FAR2: variants seen among roughly 807,000 people sequenced by gnomAD.
FAR2 encodes fatty acyl-CoA reductase 2, also known as epididymis secretory protein Li 81.
A neutral mutation model predicts 56.0 loss-of-function variants in FAR2; 19 were observed. The ratio of observed to expected loss-of-function variants is 0.34; its 90% CI spans 0.24 to 0.50. The LOEUF (loss-of-function observed/expected upper bound fraction) is 0.50, where lower values mean the gene tolerates loss of function less well. FAR2 is among the 20% of genes least tolerant of loss of function. The pLI, the probability that FAR2 is intolerant of heterozygous loss-of-function variation, is 0.98. For missense variants in FAR2, 508 were observed against 642.2 expected (o/e 0.79, Z 2.26); for synonymous variants, 219 against 218.8 (o/e 1.00, Z -0.01).
intron 1 of FAR2, among the ~76,000 whole-genome samples, chr12:29,265,498 C>T (rs1207163157): frequency 1.3e-5 from 2 of 152,142 alleles, no homozygotes. Context: ...AACTAGACCC[C>T]TATCTCTTGC....
At chr12:29,211,670 T>G (rs1208443331) in intron 1 of FAR2, among the ~76,000 whole-genome samples, 1 of 152,006 alleles carries the variant, frequency 6.6e-6, no homozygotes, top group South Asian at 2.1e-4. Context: ...TGTAACTTCA[T>G]AGCTGTAGAA....
intron 1 of FAR2, among the ~76,000 whole-genome samples, chr12:29,194,853 G>A (rs4931162): frequency 0.78 from 118,023 of 152,010 alleles, 46,743 homozygotes; most frequent in East Asian, 0.91. Context: ...GCAGTCAAAC[G>A]TCAAAAAATG....
At chr12:29,233,762 A>G (rs11050144) in intron 1 of FAR2, among the ~76,000 whole-genome samples, 26,861 of 152,148 alleles carry the variant, frequency 0.18, 3,188 homozygotes, top group African/African-American at 0.33. Context: ...AAAGCATAAA[A>G]ATAAACAAAC....
intron 8 of FAR2, among the ~76,000 whole-genome samples, chr12:29,312,799 G>C (rs1949376389): frequency 6.6e-6 from 1 of 152,052 alleles, no homozygotes; most frequent in African/African-American, 2.4e-5. Context: ...TGTTACATAG[G>C]TAACACTACC....
chr12:29,173,589 G>A (rs577688410), intron 1 of FAR2, among the ~76,000 whole-genome samples: 2 of 152,182 alleles, frequency 1.3e-5, no homozygotes, highest in Admixed American at 1.3e-4. Flanking sequence ...AGAATACTGG[G>A]GCCAGGCCAT....
At chr12:29,285,994 A>G (rs974908465) in intron 2 of FAR2, among the ~76,000 whole-genome samples, 8 of 152,090 alleles carry the variant, frequency 5.3e-5, no homozygotes, top group Middle Eastern at 3.2e-3. Context: ...TTTGGCATAC[A>G]TTTTGTTCTT....
chr12:29,307,626 G>A (rs377282784), intron 4 of FAR2, 32 bp from the exon 5 acceptor site: 1 of 1,563,292 alleles, frequency 6.4e-7, no homozygotes, highest in African/African-American at 1.4e-5. Flanking sequence ...TCTAACATAT[G>A]TTACTAGAAT....
At chr12:29,226,293 T>C (rs905619620) in intron 1 of FAR2, among the ~76,000 whole-genome samples, 3 of 152,204 alleles carry the variant, frequency 2.0e-5, no homozygotes, top group African/African-American at 7.2e-5. Context: ...CAAGGAGAAT[T>C]AGAAGGCTTT....
intron 2 of FAR2, among the ~76,000 whole-genome samples, chr12:29,278,986 G>A (rs1353809229): frequency 6.6e-6 from 1 of 152,090 alleles, no homozygotes; most frequent in Non-Finnish European, 1.5e-5. Flanking sequence ...TGATGGGTAT[G>A]TTTCATATTA....
chr12:29,155,282 C>T (rs776203776), intron 1 of FAR2, among the ~76,000 whole-genome samples: 1 of 152,194 alleles, frequency 6.6e-6, no homozygotes, highest in Non-Finnish European at 1.5e-5. Flanking sequence ...CCATCCCCTG[C>T]AGGGCAATAC....
At chr12:29,176,990 C>T (rs1413040279) in intron 1 of FAR2, among the ~76,000 whole-genome samples, 1 of 152,218 alleles carries the variant, frequency 6.6e-6, no homozygotes, top group East Asian at 1.9e-4. Context: ...GACCTCCTGT[C>T]CATCATCAAC....
At position 29,169,370 on chromosome 12, in the gene FAR2, A is replaced by G. The variant is rs1192781391; in HGVS notation, c.-39+19963A>G. On this transcript the variant is annotated intron_variant, in intron 1 of 11. Coordinates refer to ENST00000536681, the MANE Select transcript of FAR2 (RefSeq NM_001271783.2). ...GTTAGTTGAGCTCATTTGGGGTTCCATTTGTAAGACCACCTGTAGCTCGAT... is the reference window on the plus strand; with the variant it reads ...GTTAGTTGAGCTCATTTGGGGTTCCGTTTGTAAGACCACCTGTAGCTCGAT... Among the ~76,000 whole-genome samples the G allele has an allele frequency of 3.9e-5, 6 of 151,968 alleles. No individual in the cohort carries two copies. The East Asian group carries it at 9.6e-4, about 24-fold the overall frequency.
chr12:29,297,048 C>T lies in FAR2; in HGVS notation c.393C>T (p.Ala131=), dbSNP rs568824252. Residue 131 remains alanine (A), a synonymous_variant, in exon 4 of 12, where the codon GCC becomes GCT. Transcript: ENST00000536681. ...ATGCTGTGCAACTTAACGTCACTGCCACCCGGCAGCTCTTGCTTATGGCTA... is the reference window on the plus strand; with the variant it reads ...ATGCTGTGCAACTTAACGTCACTGCTACCCGGCAGCTCTTGCTTATGGCTA... The part of the protein sequence containing the change: ...LRHAVQLNVT[A]TRQLLLMASQ... 2.5e-6 allele frequency: 4 copies of T among 1,609,008 alleles called. No homozygotes were observed. The African/African-American group carries it at 5.4e-5, about 22-fold the overall frequency.
At chr12:29,287,047 A>G (rs1948888333) in intron 2 of FAR2, among the ~76,000 whole-genome samples, 1 of 152,210 alleles carries the variant, frequency 6.6e-6, no homozygotes, top group Non-Finnish European at 1.5e-5. Context: ...TTCAAATATA[A>G]TATTTCATGA....
chr12:29,300,189 A>C (rs1219756190), intron 4 of FAR2, among the ~76,000 whole-genome samples: 3 of 152,214 alleles, frequency 2.0e-5, no homozygotes, highest in Admixed American at 2.0e-4. Flanking sequence ...TAACAAGCTG[A>C]TATTTTGGGA....
intron 1 of FAR2, among the ~76,000 whole-genome samples, chr12:29,254,657 A>G (rs116646059): frequency 0.014 from 2,105 of 152,316 alleles, 45 homozygotes; most frequent in African/African-American, 0.048. Context: ...CTTCATTATA[A>G]AAGTTTACTC....
chr12:29,318,998 CTTT>C (rs1291768586), intron 9 of FAR2, among the ~76,000 whole-genome samples: 1 of 145,530 alleles, frequency 6.9e-6, no homozygotes, highest in Admixed American at 6.9e-5. Flanking sequence ...TTTCTTTTTT[CTTT>C]TTTTTTTGAG....
intron 1 of FAR2, among the ~76,000 whole-genome samples, chr12:29,188,478 A>T (rs1285359933): frequency 6.6e-6 from 1 of 151,950 alleles, no homozygotes; most frequent in Non-Finnish European, 1.5e-5. Flanking sequence ...ATAATTTGAT[A>T]ATTTGGGGAT....
At chr12:29,161,477 G>C (rs116846980) in intron 1 of FAR2, among the ~76,000 whole-genome samples, 2 of 152,292 alleles carry the variant, frequency 1.3e-5, no homozygotes, top group Middle Eastern at 3.4e-3. Context: ...GTGTGTATTT[G>C]TAGATTATTC....
Sources: allele counts gnomAD v4.1 joint callset (sites outside exome capture counted in the v4.1 genomes callset), GRCh38; gene constraint gnomAD v4.1.1; transcripts MANE v1.5; gene names NCBI Gene and HGNC (gene_info 2026-07-23, HGNC 2026-07-21).